NDE1: variants seen among roughly 807,000 people sequenced by gnomAD.
NDE1 encodes the protein nuclear distribution protein nudE homolog 1.
A neutral mutation model predicts 43.4 loss-of-function variants in NDE1; 28 were observed. The ratio of observed to expected loss-of-function variants is 0.65; its 90% CI spans 0.48 to 0.89. The LOEUF (loss-of-function observed/expected upper bound fraction) is 0.89. Among genes scored for constraint, NDE1 ranks in the 40% least tolerant of loss-of-function variants. The probability of loss-of-function intolerance (pLI) is 0.00; values close to 1 mark genes in which losing one functional copy is unlikely to be tolerated. For synonymous variants in NDE1, 184 were observed against 172.0 expected (o/e 1.07, Z -0.55); for missense variants, 441 against 434.1 (o/e 1.02, Z -0.14).
At chr16:15,671,079 T>C (rs1255403182) in intron 3 of NDE1, among the ~76,000 whole-genome samples, 1 of 152,204 alleles carries the variant, frequency 6.6e-6, no homozygotes, top group African/African-American at 2.4e-5. Flanking sequence ...CATATAAGGC[T>C]GAAAGAATTT....
At chr16:15,703,747 C>T in intron 8 of NDE1, 1 of 532,474 alleles carries the variant, frequency 1.9e-6, no homozygotes, top group South Asian at 1.9e-5. Flanking sequence ...TACCACCACG[C>T]CCAGCTTATT....
chr16:15,648,836 T>A (rs1324909615), upstream of NDE1, among the ~76,000 whole-genome samples: 1 of 152,124 alleles, frequency 6.6e-6, no homozygotes, highest in Non-Finnish European at 1.5e-5. Context: ...TTTTTAATTT[T>A]AATTTGTTAG....
At chr16:15,692,637 T>A (rs1318070425) in intron 6 of NDE1, among the ~76,000 whole-genome samples, 1 of 152,160 alleles carries the variant, frequency 6.6e-6, no homozygotes, top group Non-Finnish European at 1.5e-5. Context: ...CTCAAACTAC[T>A]GACCTCAGGT....
Position 15,720,962 on chromosome 16 carries a change from T to G in NDE1, c.948-3229T>G, listed in dbSNP as rs148275462. 8 of 1,614,070 alleles carry G rather than the reference T, an allele frequency of 5.0e-6. No homozygotes were observed. The highest frequency in any genetic ancestry group is 6.8e-6 in the Non-Finnish European group (8 of 1,180,014). On this transcript the variant is annotated intron_variant, in intron 8 of 8. Transcript: ENST00000396354. ...GCCGCAGTTTGGCGTCCTCCGTGGC[T>G]TGCAGCTCGTCCTCCAGCTCTTCCA...
At chr16:15,645,202 C>G (rs991433011) in intron 1 of NDE1, among the ~76,000 whole-genome samples, 2 of 152,092 alleles carry the variant, frequency 1.3e-5, no homozygotes, top group East Asian at 1.9e-4. Context: ...GCTGAGCCAA[C>G]GAGCTTGACC....
rs377366100 is a variant in NDE1 at position 15,708,825 on chromosome 16, C to T, written c.947+11965C>T. On this transcript the variant is annotated intron_variant, in intron 8 of 8. Transcript: ENST00000396354. ...TACCTGGTGCATCACTGCGAAGTTTCCTGTGGGGGGGGCCCTCTGAAACAG... is the reference window on the plus strand; with the variant it reads ...TACCTGGTGCATCACTGCGAAGTTTTCTGTGGGGGGGGCCCTCTGAAACAG... 1.9e-6 allele frequency: 3 copies of T among 1,609,818 alleles called. No individual in the cohort carries two copies. The highest frequency in any genetic ancestry group is 2.7e-5 in the African/African-American group (2 of 74,858).
At chr16:15,666,228 T>C (rs867172357) in intron 2 of NDE1, among the ~76,000 whole-genome samples, 3 of 152,146 alleles carry the variant, frequency 2.0e-5, no homozygotes, top group Admixed American at 1.3e-4. Context: ...TGTGTGTGTG[T>C]GCGTTTGGTT....
chr16:15,699,735 G>GA (rs777883931), intron 8 of NDE1: 1 of 1,350,970 alleles, frequency 7.4e-7, no homozygotes. Context: ...GAAGGTTGGG[G>GA]AAGCGCCTGG....
At position 15,719,860 on chromosome 16, in the gene NDE1, A is replaced by T. The variant is rs192071700; in HGVS notation, c.948-4331A>T. The T allele has an allele frequency of 1.3e-5, 16 of 1,260,702 alleles. No individual in the cohort carries two copies. The East Asian group carries it at 3.8e-4, about 30-fold the overall frequency. The allele number at this position is 1,260,702 out of a possible 1,614,324, so 78.1% of individuals were successfully genotyped here. ...TTGCACGAGCATGGCTCTCAGTTCC[A>T]GGTGGCTGGTGGTGCGCTGGGAGCA... On this transcript the variant is annotated intron_variant, in intron 8 of 8. Coordinates refer to ENST00000396354, the MANE Select transcript of NDE1 (RefSeq NM_017668.3).
chr16:15,686,584 G>A (rs979684703), intron 4 of NDE1: 42 of 974,424 alleles, frequency 4.3e-5, no homozygotes, highest in East Asian at 1.1e-4. Context: ...AGGCTGAGGC[G>A]GGAGGATCTC....
chr16:15,694,669 G>A lies in NDE1; in HGVS notation c.795+413G>A, dbSNP rs368687887. On this transcript the variant is annotated intron_variant, in intron 7 of 8. Transcript: ENST00000396354. The stretch of plus-strand genomic sequence containing the variant: ...AGCCCCTTTCATAGCAGTGTGGTGA[G>A]TTTTAGGTGTGGCTGCTCCTTTAGC... 7.1e-5 allele frequency: 70 copies of A among 985,328 alleles called. No homozygotes were observed. In the African/African-American group the frequency reaches 1.0e-3, roughly 15 times the overall value. 61.0% of individuals were successfully genotyped at this position (985,328 alleles called of 1,614,324 possible).
At chr16:15,718,270 G>C in intron 8 of NDE1, 2 of 1,604,942 alleles carry the variant, frequency 1.2e-6, no homozygotes, top group South Asian at 2.2e-5. Flanking sequence ...CCTGCTGCAG[G>C]AGAGACAGTA....
At chr16:15,678,939 G>A (rs2038029415) in intron 4 of NDE1, among the ~76,000 whole-genome samples, 1 of 151,944 alleles carries the variant, frequency 6.6e-6, no homozygotes. Flanking sequence ...AGCCGGGCGT[G>A]GTGGCGGGTG....
chr16:15,715,078 C>G lies in NDE1; in HGVS notation c.948-9113C>G, dbSNP rs2040046772. The G allele has an allele frequency of 6.2e-7, 1 of 1,612,932 alleles. No individual in the cohort carries two copies. Among genetic ancestry groups the G allele is most frequent in the African/African-American group, 1.3e-5 (1 of 74,990 alleles). ...TGCTTGACCCTGGCATTGCCTTTCT[C>G]TGCCTGTCGCGGAGAGTTGGAGGGG... On this transcript the variant is annotated intron_variant, in intron 8 of 8. Coordinates refer to ENST00000396354, the MANE Select transcript of NDE1 (RefSeq NM_017668.3).
At chr16:15,658,857 A>G (rs887193386) in intron 1 of NDE1, among the ~76,000 whole-genome samples, 3 of 151,984 alleles carry the variant, frequency 2.0e-5, no homozygotes, top group African/African-American at 7.2e-5. Flanking sequence ...GGATTTTACC[A>G]TGTTGGCCAA....
At chr16:15,654,669 C>T (rs1209921785) in intron 1 of NDE1, among the ~76,000 whole-genome samples, 3 of 147,452 alleles carry the variant, frequency 2.0e-5, no homozygotes, top group Non-Finnish European at 3.0e-5. Flanking sequence ...ATCTGATCTG[C>T]AGTCAGTCAG....
At chr16:15,714,767 A>G (rs1427766082) in intron 8 of NDE1, 1 of 1,097,502 alleles carries the variant, frequency 9.1e-7, no homozygotes, top group Non-Finnish European at 1.4e-6. Flanking sequence ...AAGCTTAGTG[A>G]TTAAGGAGAA....
chr16:15,684,719 A>AT, intron 4 of NDE1: 1 of 151,994 alleles, frequency 6.6e-6, no homozygotes, highest in South Asian at 2.1e-4. Flanking sequence ...GAATCTAATA[A>AT]TTTTTTCCTG....
intron 1 of NDE1, among the ~76,000 whole-genome samples, chr16:15,653,077 G>T (rs2036583420): frequency 6.6e-6 from 1 of 152,088 alleles, no homozygotes; most frequent in Admixed American, 6.6e-5. Flanking sequence ...CCCCCATTCT[G>T]GTGCATCCTC....
Sources: gnomAD v4.1 joint callset for allele counts (sites outside exome capture counted in the v4.1 genomes callset) on GRCh38, gnomAD v4.1.1 for gene constraint, MANE v1.5 for transcripts, NCBI Gene and HGNC (gene_info 2026-07-23, HGNC 2026-07-21) for gene names.